ZNF804B: variants seen among roughly 807,000 people sequenced by gnomAD.
The protein encoded by ZNF804B is zinc finger 804B.
ZNF804B carries 80 observed loss-of-function variants against 101.4 expected under a neutral mutation model. That is an observed-to-expected ratio of 0.79 (90% CI 0.66 to 0.95). ZNF804B has a LOEUF of 0.95. Ranked by LOEUF, ZNF804B falls within the 40% of genes least tolerant of loss-of-function variation. The pLI is 0.00. For missense variants in ZNF804B, 1,673 were observed against 1,561.9 expected (o/e 1.07, Z -1.20); for synonymous variants, 622 against 558.8 (o/e 1.11, Z -1.59).
chr7:88,825,380 A>G (rs1562804293), intron 1 of ZNF804B, among the ~76,000 whole-genome samples: 1 of 151,988 alleles, frequency 6.6e-6, no homozygotes, highest in Non-Finnish European at 1.5e-5. Flanking sequence ...TCCAAAGACC[A>G]TAGGTCACTA....
chr7:89,258,939 C>T (rs1789673548), intron 2 of ZNF804B, among the ~76,000 whole-genome samples: 1 of 151,938 alleles, frequency 6.6e-6, no homozygotes, highest in African/African-American at 2.4e-5. Context: ...CAAACATACT[C>T]ACTGTAATTT....
intron 1 of ZNF804B, among the ~76,000 whole-genome samples, chr7:88,994,587 A>G (rs1248608514): frequency 6.6e-6 from 1 of 152,080 alleles, no homozygotes; most frequent in African/African-American, 2.4e-5. Flanking sequence ...TATTATATAT[A>G]TTCAGGTTAT....
intron 1 of ZNF804B, among the ~76,000 whole-genome samples, chr7:89,018,557 C>G (rs1788608659): frequency 6.6e-6 from 1 of 151,914 alleles, no homozygotes; most frequent in Non-Finnish European, 1.5e-5. Flanking sequence ...GGAAGAATTC[C>G]TTCCCCTTCA....
intron 1 of ZNF804B, among the ~76,000 whole-genome samples, chr7:88,946,554 CTTTTTTT>C (rs202172425): frequency 7.8e-6 from 1 of 128,120 alleles, no homozygotes; most frequent in African/African-American, 2.9e-5. Flanking sequence ...CTGAAATTTT[CTTTTTTT>C]TTTTTTTTTG....
In ZNF804B at chr7:89,336,709, T is replaced by A; in HGVS notation, c.3727T>A (p.Phe1243Ile). ...TCTACATCCTCTTTCACAGGCACATTTCAGTCCTATTTCATTTTCGACTCT... is the reference window on the plus strand; with the variant it reads ...TCTACATCCTCTTTCACAGGCACATATCAGTCCTATTTCATTTTCGACTCT... ...AHLHPLSQAHFSPISFSTLTP... is the reference protein window; with the variant it reads ...AHLHPLSQAHISPISFSTLTP... Residue 1243 changes from phenylalanine (F) to isoleucine (I), a missense_variant, in exon 4 of 4, where the codon TTC becomes ATC. Transcript: ENST00000333190. The A allele has an allele frequency of 6.2e-7, 1 of 1,614,074 alleles. No homozygotes were observed. The highest frequency in any genetic ancestry group is 8.5e-7 in the Non-Finnish European group (1 of 1,180,002).
At chr7:89,329,310 G>A (rs62469516) in intron 3 of ZNF804B, among the ~76,000 whole-genome samples, 6,525 of 151,614 alleles carry the variant, frequency 0.043, 241 homozygotes, top group Non-Finnish European at 0.063. Context: ...TTAGCCAATT[G>A]CTCTCTCTGC....
chr7:89,199,142 A>G (rs1293169102), intron 1 of ZNF804B, among the ~76,000 whole-genome samples: 2 of 151,868 alleles, frequency 1.3e-5, no homozygotes, highest in Admixed American at 6.6e-5. Context: ...TCAGTTGGGT[A>G]CAGATAACTA....
Position 89,265,783 on chromosome 7 carries a change from C to G in ZNF804B, c.249+47488C>G, listed in dbSNP as rs189537683. Reference sequence around the variant, plus strand: ...GTAACAGCAGTAATATATCTTCTGCCTGCAGTGTCACCCACCATCTGTGTG... The same window carrying G: ...GTAACAGCAGTAATATATCTTCTGCGTGCAGTGTCACCCACCATCTGTGTG... On this transcript the variant is annotated intron_variant, in intron 2 of 3. Coordinates refer to ENST00000333190, the MANE Select transcript of ZNF804B (RefSeq NM_181646.5). Among the ~76,000 whole-genome samples, 55 of 152,276 alleles carry G rather than the reference C, an allele frequency of 3.6e-4. 2 individuals carry two copies. In the East Asian group the frequency reaches 9.3e-3, roughly 26 times the overall value.
chr7:88,974,604 G>T (rs1793588221), intron 1 of ZNF804B, among the ~76,000 whole-genome samples: 1 of 150,804 alleles, frequency 6.6e-6, no homozygotes, highest in Non-Finnish European at 1.5e-5. Flanking sequence ...ATGAACAAAA[G>T]GTTTAAAAAT....
chr7:89,155,366 A>G (rs1254762326), intron 1 of ZNF804B, among the ~76,000 whole-genome samples: 1 of 152,026 alleles, frequency 6.6e-6, no homozygotes, highest in African/African-American at 2.4e-5. Flanking sequence ...AAATGATATG[A>G]TTTCTCATCC....
intron 1 of ZNF804B, among the ~76,000 whole-genome samples, chr7:88,921,225 A>T (rs900317692): frequency 6.6e-6 from 1 of 152,030 alleles, no homozygotes; most frequent in Non-Finnish European, 1.5e-5. Flanking sequence ...GAGAATGCAA[A>T]GTTGGTGGAA....
chr7:89,276,264 A>G (rs1211875261), intron 2 of ZNF804B, among the ~76,000 whole-genome samples: 4 of 151,836 alleles, frequency 2.6e-5, no homozygotes, highest in Non-Finnish European at 4.4e-5. Flanking sequence ...ACAAAACACC[A>G]TGGCACGTGG....
chr7:89,202,307 C>T (rs769040941), intron 1 of ZNF804B, among the ~76,000 whole-genome samples: 1 of 151,996 alleles, frequency 6.6e-6, no homozygotes, highest in African/African-American at 2.4e-5. Context: ...TTTCTAAAAC[C>T]AGTTTTTAGA....
At chr7:88,990,327 A>T (rs1317467172) in intron 1 of ZNF804B, among the ~76,000 whole-genome samples, 2 of 152,030 alleles carry the variant, frequency 1.3e-5, no homozygotes, top group African/African-American at 4.8e-5. Context: ...AAATAAGTGG[A>T]TTGTATCCTT....
At chr7:89,007,633 A>G (rs577072237) in intron 1 of ZNF804B, among the ~76,000 whole-genome samples, 16 of 144,044 alleles carry the variant, frequency 1.1e-4, no homozygotes, top group Non-Finnish European at 1.7e-4. Flanking sequence ...AAATATATAT[A>G]TTTTTGTAAA....
intron 1 of ZNF804B, among the ~76,000 whole-genome samples, chr7:89,011,893 G>A (rs1788469252): frequency 6.6e-6 from 1 of 152,122 alleles, no homozygotes; most frequent in South Asian, 2.1e-4. Context: ...GCTCCACTCA[G>A]TAGTGCTCCA....
intron 1 of ZNF804B, among the ~76,000 whole-genome samples, chr7:88,976,740 T>C (rs986867661): frequency 2.6e-5 from 4 of 151,730 alleles, no homozygotes; most frequent in African/African-American, 9.7e-5. Context: ...TTCTCTTGTC[T>C]GATTGCTCTA....
intron 1 of ZNF804B, among the ~76,000 whole-genome samples, chr7:88,956,227 G>C (rs1296851873): frequency 1.3e-5 from 2 of 151,380 alleles, no homozygotes; most frequent in Non-Finnish European, 3.0e-5. Flanking sequence ...AGCAATCCCA[G>C]CATTAGGTAT....
At chr7:88,823,234 A>G (rs1487936834) in intron 1 of ZNF804B, among the ~76,000 whole-genome samples, 3 of 152,056 alleles carry the variant, frequency 2.0e-5, no homozygotes, top group African/African-American at 7.2e-5. Flanking sequence ...ACAAAAAACC[A>G]ATACATATAT....
Sources: allele counts gnomAD v4.1 joint callset (sites outside exome capture counted in the v4.1 genomes callset), GRCh38; gene constraint gnomAD v4.1.1; transcripts MANE v1.5; gene names NCBI Gene and HGNC (gene_info 2026-07-23, HGNC 2026-07-21).